Variants in RFTN1 observed in about 807,000 individuals in gnomAD.
RFTN1 encodes raftlin, lipid raft linker 1, also known as raftlin.
In RFTN1, 26 loss-of-function variants were observed where a neutral mutation model predicts 46.5. The ratio of observed to expected loss-of-function variants is 0.56; its 90% CI spans 0.41 to 0.78. RFTN1 has a LOEUF of 0.78. Ranked by LOEUF, RFTN1 falls within the 30% of genes least tolerant of loss-of-function variation. The pLI is 0.00. For synonymous variants in RFTN1, 261 were observed against 284.2 expected (o/e 0.92, Z 0.82); for missense variants, 693 against 718.7 (o/e 0.96, Z 0.41).
At chr3:16,495,913 G>A (rs1481022816) in intron 1 of RFTN1, among the ~76,000 whole-genome samples, 3 of 152,226 alleles carry the variant, frequency 2.0e-5, no homozygotes, top group Non-Finnish European at 4.4e-5. Flanking sequence ...CAGTAGGGGG[G>A]AAGTTAAGCA....
In RFTN1 at chr3:16,369,772, G is replaced by C. The variant is rs546456485; in HGVS notation, c.1030+304C>G. ...CCAGGGGGTAATTAACAAATCCAGG[G>C]AACAATCTTTTTAAAAGCCTTTAAA... On this transcript the variant is annotated intron_variant, in intron 6 of 9. Coordinates refer to ENST00000334133, the MANE Select transcript of RFTN1 (RefSeq NM_015150.2). Among the ~76,000 whole-genome samples, 12 of 152,238 alleles carry C rather than the reference G, an allele frequency of 7.9e-5. No individual in the cohort carries two copies. The South Asian group carries it at 2.5e-3, about 32-fold the overall frequency.
At chr3:16,324,634 C>T (rs1338787803) in intron 8 of RFTN1, among the ~76,000 whole-genome samples, 1 of 100,424 alleles carries the variant, frequency 1.0e-5, no homozygotes, top group Non-Finnish European at 2.0e-5. Context: ...TTTAAGGTTG[C>T]ATAGTATTCC....
rs775065259 is a variant in RFTN1 at position 16,407,516 on chromosome 3, A to AT, written c.441+1858dup. Among the ~76,000 whole-genome samples the AT allele has an allele frequency of 6.6e-6, 1 of 152,202 alleles. No homozygotes were observed. The highest frequency in any genetic ancestry group is 1.5e-5 in the Non-Finnish European group (1 of 68,048). ...CTCAAATCACATGTTTTTAAAAAGC[A>AT]TATTTGAGAGTGGGCAGAGCCTTAT... On this transcript the variant is annotated intron_variant, in intron 4 of 9. Coordinates refer to ENST00000334133, the MANE Select transcript of RFTN1 (RefSeq NM_015150.2). The surrounding 1 kb of genome is among the most constrained non-coding windows in gnomAD (Gnocchi z 4.0).
rs185425893 is a variant in RFTN1, at chr3:16,463,397, C to G, written c.146-29360G>C. Among the ~76,000 whole-genome samples, 3 of 152,188 alleles carry G rather than the reference C, an allele frequency of 2.0e-5. No homozygotes were observed. The East Asian group carries it at 5.8e-4, about 29-fold the overall frequency. On this transcript the variant is annotated intron_variant, in intron 2 of 9. Transcript: ENST00000334133. The stretch of plus-strand genomic sequence containing the variant: ...TCCCTCTTTGCATTTCAGCTTAAAT[C>G]GTTTCTATTAACCTTTCTTCCAGAT...
At chr3:16,510,212 AAC>A (rs2076872940) in intron 1 of RFTN1, among the ~76,000 whole-genome samples, 1 of 152,198 alleles carries the variant, frequency 6.6e-6, no homozygotes, top group Non-Finnish European at 1.5e-5. Context: ...CCTCAAAATA[AAC>A]ACAACCCCTT....
rs144618453 is a variant in RFTN1 at position 16,334,449 on chromosome 3, A to T, written c.1147-7573T>A. Among the ~76,000 whole-genome samples the T allele has an allele frequency of 6.6e-6, 1 of 152,320 alleles. No individual in the cohort carries two copies. The highest frequency in any genetic ancestry group is 1.5e-5 in the Non-Finnish European group (1 of 68,028). On this transcript the variant is annotated intron_variant, in intron 7 of 9. Transcript: ENST00000334133. This position sits in a 1 kb window ranked among gnomAD's most constrained non-coding sequence, Gnocchi z 4.3. ...GTATTAAAAAATGAGAAATGCACAG[A>T]GTTATTCACTGGAGAGCGGTCTGCA...
chr3:16,326,983 C>T (rs969651694), intron 7 of RFTN1, 107 bp from the exon 8 acceptor site: 42 of 771,322 alleles, frequency 5.4e-5, no homozygotes, highest in African/African-American at 2.6e-4. Context: ...AAAGAAGTGG[C>T]GGTGCCCGGC....
At position 16,318,171 on chromosome 3, in the gene RFTN1, G is replaced by T. The variant is rs1487824175; in HGVS notation, c.1333-939C>A. ...CTGGAGCAAGACCACCCGAGAGCGA[G>T]CCCCAGCTCCGTCACTGACCGGCCA... On this transcript the variant is annotated intron_variant, in intron 9 of 9. Coordinates refer to ENST00000334133, the MANE Select transcript of RFTN1 (RefSeq NM_015150.2). Among the ~76,000 whole-genome samples the T allele has an allele frequency of 4.6e-5, 7 of 151,972 alleles. No individual in the cohort carries two copies. In the East Asian group the frequency reaches 1.4e-3, roughly 29 times the overall value.
intron 7 of RFTN1, among the ~76,000 whole-genome samples, chr3:16,357,123 A>AC (rs1559854471): frequency 1.2e-5 from 1 of 81,920 alleles, no homozygotes; most frequent in Non-Finnish European, 2.5e-5. Context: ...TCAAAAAAAA[A>AC]AAAAACAAAA....
At position 16,385,365 on chromosome 3, in the gene RFTN1, C is replaced by A. The variant is rs530690598; in HGVS notation, c.442-7263G>T. Reference sequence around the variant, plus strand: ...CAGAAATTGGAAGCTTTGCCAGGCGCTGCTGGATGTTTAGCTCCGTTTTAG... The same window carrying A: ...CAGAAATTGGAAGCTTTGCCAGGCGATGCTGGATGTTTAGCTCCGTTTTAG... On this transcript the variant is annotated intron_variant, in intron 4 of 9. Transcript: ENST00000334133. This position sits in a 1 kb window ranked among gnomAD's most constrained non-coding sequence, Gnocchi z 5.0. Among the ~76,000 whole-genome samples the A allele has an allele frequency of 2.0e-5, 3 of 152,320 alleles. No homozygotes were observed. In the South Asian group the frequency reaches 6.2e-4, roughly 32 times the overall value.
chr3:16,392,618 T>TAA (rs35474955), intron 4 of RFTN1, among the ~76,000 whole-genome samples: 24,898 of 150,344 alleles, frequency 0.17, 2,340 homozygotes, highest in East Asian at 0.3. Context: ...ATTACATATA[T>TAA]AAGTATATAT....
At chr3:16,423,860 C>T (rs1042414623) in intron 3 of RFTN1, among the ~76,000 whole-genome samples, 1 of 152,196 alleles carries the variant, frequency 6.6e-6, no homozygotes, top group Non-Finnish European at 1.5e-5. Flanking sequence ...ACAAAGACTG[C>T]TACCTTAGCG....
chr3:16,494,224 C>T (rs943128667), intron 1 of RFTN1, among the ~76,000 whole-genome samples: 1 of 152,146 alleles, frequency 6.6e-6, no homozygotes, highest in Non-Finnish European at 1.5e-5. Flanking sequence ...AAAATGGAAT[C>T]TAAAAAGCAA....
chr3:16,496,659 G>A (rs2076630910), intron 1 of RFTN1, among the ~76,000 whole-genome samples: 2 of 152,168 alleles, frequency 1.3e-5, no homozygotes, highest in African/African-American at 4.8e-5. Context: ...AACCACCTTG[G>A]AAAACTGACA....
At chr3:16,366,620 C>G (rs1024695702) in intron 6 of RFTN1, among the ~76,000 whole-genome samples, 6 of 152,200 alleles carry the variant, frequency 3.9e-5, no homozygotes, top group African/African-American at 1.4e-4. Flanking sequence ...CTGCCTACCC[C>G]CTTCTTTCTT....
chr3:16,499,088 T>C lies in RFTN1; in HGVS notation c.-8-5211A>G, dbSNP rs985387297. On this transcript the variant is annotated intron_variant, in intron 1 of 9. Coordinates refer to ENST00000334133, the MANE Select transcript of RFTN1 (RefSeq NM_015150.2). This position sits in a 1 kb window ranked among gnomAD's most constrained non-coding sequence, Gnocchi z 4.9. The stretch of plus-strand genomic sequence containing the variant: ...CAGATGCAGACAGAAGACACAGGTG[T>C]GCTGCACATTCCCGCACACAGACAT... 2.6e-5 allele frequency among the ~76,000 whole-genome samples: 4 copies of C among 152,180 alleles called. No homozygotes were observed. Among genetic ancestry groups the C allele is most frequent in the Non-Finnish European group, 5.9e-5 (4 of 68,022 alleles).
intron 7 of RFTN1, among the ~76,000 whole-genome samples, chr3:16,347,303 G>C (rs1030697993): frequency 2.6e-5 from 4 of 152,318 alleles, no homozygotes; most frequent in South Asian, 2.1e-4. Context: ...CATTTTCTAG[G>C]GGGGGCTATA....
chr3:16,393,791 T>A (rs1420767074), intron 4 of RFTN1, among the ~76,000 whole-genome samples: 2 of 151,952 alleles, frequency 1.3e-5, no homozygotes, highest in Admixed American at 1.3e-4. Context: ...CCCAAGTAGG[T>A]GGGACTACAG....
chr3:16,346,015 C>CA lies in RFTN1; in HGVS notation c.1146+11916dup, dbSNP rs1404313090. The CA allele has an allele frequency of 6.6e-6, 1 of 152,104 alleles. No individual in the cohort carries two copies. The highest frequency in any genetic ancestry group is 1.5e-5 in the Non-Finnish European group (1 of 68,024). The allele number at this position is 152,104 out of a possible 1,614,324, so 9.4% of individuals were successfully genotyped here. A position where few individuals can be genotyped will look rare whatever the true frequency, so the allele number is the denominator to read the frequency against. ...TCCTCTCTTCCTCTGCAGCAAGAAT[C>CA]AAAATTCACTTTGCCCCATGATCTT... is the stretch of plus-strand genomic sequence containing the variant. On this transcript the variant is annotated intron_variant, in intron 7 of 9. Coordinates refer to ENST00000334133, the MANE Select transcript of RFTN1 (RefSeq NM_015150.2). This position sits in a 1 kb window ranked among gnomAD's most constrained non-coding sequence, Gnocchi z 4.4.
Sources: gnomAD v4.1 joint callset for allele counts (sites outside exome capture counted in the v4.1 genomes callset) on GRCh38, gnomAD v4.1.1 for gene constraint, Gnocchi (gnomAD v3.1) non-coding constraint, MANE v1.5 for transcripts, NCBI Gene and HGNC (gene_info 2026-07-23, HGNC 2026-07-21) for gene names.